Variants in FBXL7 observed in about 807,000 individuals in gnomAD.
FBXL7 encodes the protein F-box/LRR-repeat protein 7.
A neutral mutation model predicts 38.3 loss-of-function variants in FBXL7; 12 were observed. The observed-to-expected ratio is 0.31, with a 90% confidence interval of 0.20 to 0.51. FBXL7 has a LOEUF of 0.51. FBXL7 is among the 20% of genes least tolerant of loss of function. The probability of loss-of-function intolerance (pLI) is 0.98; values close to 1 mark genes in which losing one functional copy is unlikely to be tolerated. For synonymous variants in FBXL7, 297 were observed against 300.9 expected (o/e 0.99, Z 0.13); for missense variants, 567 against 676.4 (o/e 0.84, Z 1.79).
chr5:15,709,682 A>C (rs925834407), intron 2 of FBXL7, among the ~76,000 whole-genome samples: 1 of 152,050 alleles, frequency 6.6e-6, no homozygotes, highest in Middle Eastern at 3.4e-3. Context: ...CTTCTGTCTT[A>C]GTTTGTTTAT....
chr5:15,521,952 A>G (rs1392574278), intron 1 of FBXL7, among the ~76,000 whole-genome samples: 1 of 152,236 alleles, frequency 6.6e-6, no homozygotes, highest in Non-Finnish European at 1.5e-5. Flanking sequence ...ATTAGAAAAT[A>G]CCATTTTCAT....
At chr5:15,528,957 A>G (rs977822009) in intron 1 of FBXL7, among the ~76,000 whole-genome samples, 3 of 149,308 alleles carry the variant, frequency 2.0e-5, no homozygotes, top group South Asian at 2.1e-4. Flanking sequence ...CTACTCTCTT[A>G]GCAATTTTTA....
Position 15,884,249 on chromosome 5 carries a change from C to CTTCTTTCTTTCTTTCT in FBXL7, c.128-43631_128-43616dup, listed in dbSNP as rs58115981. Among the ~76,000 whole-genome samples, 562 of 150,592 alleles carry CTTCTTTCTTTCTTTCT rather than the reference C, an allele frequency of 3.7e-3. 4 individuals carry two copies. The highest frequency in any genetic ancestry group is 4.8e-3 in the Non-Finnish European group (327 of 67,740). ...CACTAATACTATGGGATCAGGGAAT[C>CTTCTTTCTTTCTTTCT]TTCTTTCTTTCTTTCTTTCTTTCTT... is the stretch of plus-strand genomic sequence containing the variant. On this transcript the variant is annotated intron_variant, in intron 2 of 3. Transcript: ENST00000504595.
intron 2 of FBXL7, among the ~76,000 whole-genome samples, chr5:15,709,201 C>G (rs562621139): frequency 9.9e-4 from 151 of 152,196 alleles, no homozygotes; most frequent in African/African-American, 3.4e-3. Flanking sequence ...AACATACAGT[C>G]TAGTTGAGAA....
intron 2 of FBXL7, among the ~76,000 whole-genome samples, chr5:15,856,197 CT>C (rs1739266607): frequency 6.6e-6 from 1 of 152,054 alleles, no homozygotes; most frequent in Non-Finnish European, 1.5e-5. Flanking sequence ...GCGGAAACCC[CT>C]GATAAAACCA....
At chr5:15,540,679 C>T (rs1737714273) in intron 1 of FBXL7, among the ~76,000 whole-genome samples, 1 of 152,176 alleles carries the variant, frequency 6.6e-6, no homozygotes, top group Non-Finnish European at 1.5e-5. Flanking sequence ...TCTCACAGTT[C>T]TGGAGGCTGA....
intron 2 of FBXL7, among the ~76,000 whole-genome samples, chr5:15,754,854 A>C (rs1377906605): frequency 6.6e-6 from 1 of 152,132 alleles, no homozygotes; most frequent in African/African-American, 2.4e-5. Context: ...AACCTCACCC[A>C]CAAGGTTTTC....
At chr5:15,917,697 G>T (rs1741629714) in intron 2 of FBXL7, among the ~76,000 whole-genome samples, 1 of 146,156 alleles carries the variant, frequency 6.8e-6, no homozygotes, top group Admixed American at 6.9e-5. Context: ...AAGGAAGGAA[G>T]AAAGAAAGGA....
intron 2 of FBXL7, among the ~76,000 whole-genome samples, chr5:15,815,702 G>C (rs1353057740): frequency 6.6e-6 from 1 of 152,130 alleles, no homozygotes; most frequent in East Asian, 1.9e-4. Flanking sequence ...TCCTATATTT[G>C]CTTTAAGGGT....
intron 2 of FBXL7, among the ~76,000 whole-genome samples, chr5:15,764,202 T>G (rs1267068073): frequency 6.6e-6 from 1 of 152,224 alleles, no homozygotes; most frequent in East Asian, 1.9e-4. Flanking sequence ...GGAAAGTGTT[T>G]CATAAAATGG....
intron 2 of FBXL7, among the ~76,000 whole-genome samples, chr5:15,899,083 T>G (rs1450246254): frequency 6.6e-6 from 1 of 152,180 alleles, no homozygotes; most frequent in African/African-American, 2.4e-5. Flanking sequence ...ATATATTTTT[T>G]GAGACGGAGT....
At chr5:15,779,723 T>G (rs1736945007) in intron 2 of FBXL7, among the ~76,000 whole-genome samples, 2 of 152,190 alleles carry the variant, frequency 1.3e-5, no homozygotes, top group African/African-American at 4.8e-5. Flanking sequence ...TTAAAGTCTT[T>G]TAGATACAGT....
intron 2 of FBXL7, among the ~76,000 whole-genome samples, chr5:15,620,406 GTT>G (rs368712808): frequency 2.0e-4 from 23 of 116,616 alleles, no homozygotes; most frequent in Admixed American, 1.7e-4. Flanking sequence ...CTAATTTTTT[GTT>G]TTTTGTTTTT....
intron 2 of FBXL7, among the ~76,000 whole-genome samples, chr5:15,627,365 G>A (rs1273796757): frequency 1.3e-5 from 2 of 152,278 alleles, no homozygotes; most frequent in African/African-American, 4.8e-5. Flanking sequence ...TTTTTGCTGT[G>A]TGAGTAGTCA....
At chr5:15,727,727 C>G (rs1735447771) in intron 2 of FBXL7, among the ~76,000 whole-genome samples, 1 of 152,052 alleles carries the variant, frequency 6.6e-6, no homozygotes, top group East Asian at 1.9e-4. Flanking sequence ...ATTTGGAGTT[C>G]TTTGAGGTTC....
intron 2 of FBXL7, among the ~76,000 whole-genome samples, chr5:15,834,781 C>T (rs1738551917): frequency 6.6e-6 from 1 of 152,204 alleles, no homozygotes; most frequent in African/African-American, 2.4e-5. Flanking sequence ...TTTCAGCATG[C>T]CTGTTTTGTA....
rs144576555 is a variant in FBXL7, at chr5:15,685,170, G to T, written c.127+69098G>T. On this transcript the variant is annotated intron_variant, in intron 2 of 3. Transcript: ENST00000504595. ...CCTTTTTCTTGAGCAGGAACAAACA[G>T]TGAAACTCATGAATGTAGTTGGGGC... Among the ~76,000 whole-genome samples, 44 of 152,242 alleles carry T rather than the reference G, an allele frequency of 2.9e-4. No individual in the cohort carries two copies. In the East Asian group the frequency reaches 8.3e-3, roughly 29 times the overall value.
At chr5:15,707,845 G>A (rs1251599730) in intron 2 of FBXL7, among the ~76,000 whole-genome samples, 6 of 152,090 alleles carry the variant, frequency 3.9e-5, no homozygotes, top group Non-Finnish European at 7.4e-5. Flanking sequence ...GCTTGACCAC[G>A]TGAGAATGTA....
intron 1 of FBXL7, among the ~76,000 whole-genome samples, chr5:15,519,329 C>G (rs959786356): frequency 6.6e-6 from 1 of 151,706 alleles, no homozygotes; most frequent in African/African-American, 2.4e-5. Flanking sequence ...GGTGACAGAG[C>G]GAGACTCCAT....
Sources: gnomAD v4.1 joint callset for allele counts (sites outside exome capture counted in the v4.1 genomes callset) on GRCh38, gnomAD v4.1.1 for gene constraint, MANE v1.5 for transcripts, NCBI Gene and HGNC (gene_info 2026-07-23, HGNC 2026-07-21) for gene names.